The following TMEM51 variants were observed in gnomAD, a reference collection of about 807,000 sequenced individuals.
TMEM51 encodes the protein transmembrane protein 51.
In TMEM51, 8 loss-of-function variants were observed where a neutral mutation model predicts 13.6. The observed-to-expected ratio is 0.59, with a 90% CI of 0.35 to 1.07. The LOEUF (loss-of-function observed/expected upper bound fraction) is 1.07, where lower values mean the gene tolerates loss of function less well. Among genes scored for constraint, TMEM51 ranks in the 50% least tolerant of loss-of-function variants. TMEM51 has a pLI of 0.02. For missense variants in TMEM51, 279 were observed against 330.7 expected (o/e 0.84, Z 1.21); for synonymous variants, 147 against 144.4 (o/e 1.02, Z -0.13).
chr1:15,157,570 T>C (rs1334534235), intron 1 of TMEM51, among the ~76,000 whole-genome samples: 1 of 152,164 alleles, frequency 6.6e-6, no homozygotes, highest in Non-Finnish European at 1.5e-5. Context: ...CAAGATCCCC[T>C]TTCTGTCTGC....
chr1:15,165,873 G>A (rs1316589556), intron 1 of TMEM51, among the ~76,000 whole-genome samples: 1 of 152,032 alleles, frequency 6.6e-6, no homozygotes, highest in Non-Finnish European at 1.5e-5. Context: ...GGGAGGTGGA[G>A]GTTGCGGTGA....
At chr1:15,180,883 T>A (rs1643595400) in intron 1 of TMEM51, among the ~76,000 whole-genome samples, 1 of 152,192 alleles carries the variant, frequency 6.6e-6, no homozygotes, top group Admixed American at 6.5e-5. Flanking sequence ...GTCATATAGC[T>A]AGAAAATGGA....
rs1268307139 is a variant in TMEM51 at position 15,214,932 on chromosome 1, G to A, written c.-156G>A. On this transcript the variant is annotated 5_prime_UTR_variant, in exon 3 of 4. Transcript: ENST00000376008. The stretch of plus-strand genomic sequence containing the variant: ...CAGCCATCCGCACGGGAGGCCTCGC[G>A]ATTGCTCGGAACCATCCCGCAGGAG... The A allele has an allele frequency of 1.2e-5, 9 of 726,392 alleles. No homozygotes were observed. Among genetic ancestry groups the A allele is most frequent in the African/African-American group, 7.1e-5 (4 of 56,438 alleles). 45.0% of individuals were successfully genotyped at this position (726,392 alleles called of 1,614,324 possible).
In TMEM51 at chr1:15,219,540, CCT is replaced by C. The variant is rs1557862732; in HGVS notation, c.560_561del (p.Pro187ArgfsTer6). 3 of 1,613,998 alleles carry C rather than the reference CCT, an allele frequency of 1.9e-6. No homozygotes were observed. Among genetic ancestry groups the C allele is most frequent in the Non-Finnish European group, 1.7e-6 (2 of 1,180,042 alleles). On this transcript the variant is annotated frameshift_variant, in exon 4 of 4. Transcript: ENST00000376008. LOFTEE classifies it high-confidence loss of function. ...CGTGGAGGCCAGCCCTGGGAACCCC[CCT>C]GACAGGCAGAACTCTAAGTTGGCCA... ...ADVEASPGNP[P>X]DRQNSKLAKR... is the part of the protein sequence containing the mutation.
intron 3 of TMEM51, among the ~76,000 whole-genome samples, chr1:15,216,391 T>C (rs755900342): frequency 5.9e-5 from 9 of 152,244 alleles, no homozygotes; most frequent in Non-Finnish European, 1.2e-4. Flanking sequence ...GAATATTCCA[T>C]AGATGTTCAA....
At chr1:15,191,191 G>T (rs1341787701) in intron 1 of TMEM51, among the ~76,000 whole-genome samples, 1 of 152,230 alleles carries the variant, frequency 6.6e-6, no homozygotes, top group South Asian at 2.1e-4. Context: ...GTGGAAGAAG[G>T]TTCCAGCAGC....
intron 2 of TMEM51, among the ~76,000 whole-genome samples, chr1:15,211,935 G>T (rs569196613): frequency 1.3e-5 from 2 of 148,626 alleles, no homozygotes; most frequent in African/African-American, 2.5e-5. Context: ...ATTCATCTGT[G>T]TATGGAGAAT....
intron 1 of TMEM51, among the ~76,000 whole-genome samples, chr1:15,182,681 T>C (rs1415655321): frequency 9.2e-5 from 14 of 152,214 alleles, no homozygotes; most frequent in Admixed American, 8.5e-4. Flanking sequence ...AGGAAAGTAC[T>C]GGATCCCCAA....
intron 3 of TMEM51, 152 bp downstream of exon 3, chr1:15,215,583 T>C: frequency 1.3e-6 from 1 of 752,524 alleles, no homozygotes; most frequent in Non-Finnish European, 2.1e-6. Context: ...AAACGGTTTA[T>C]CATTTTACAA....
intron 1 of TMEM51, among the ~76,000 whole-genome samples, chr1:15,190,901 C>A (rs1423333180): frequency 2.0e-5 from 3 of 152,126 alleles, no homozygotes; most frequent in Admixed American, 6.6e-5. Context: ...AATTCTCCTG[C>A]CTCAGCCTCC....
In TMEM51 at chr1:15,219,712, A is replaced by G; in HGVS notation, c.731A>G (p.Glu244Gly). The change falls in exon 4 of 4, where the codon GAG (glutamate) becomes GGG (glycine). Residue 244 changes from glutamate (E) to glycine (G), a missense_variant. Transcript: ENST00000376008. Reference sequence around the variant, plus strand: ...CCACCGCAGTATGATGAAGTCCAGGAGAAGGCCCCCGACACCCGGCCGCCC... The same window carrying G: ...CCACCGCAGTATGATGAAGTCCAGGGGAAGGCCCCCGACACCCGGCCGCCC... Reference protein sequence around the residue: ...TPPPQYDEVQEKAPDTRPPD With the variant: ...TPPPQYDEVQGKAPDTRPPD 6.2e-7 allele frequency: 1 copy of G among 1,613,602 alleles called. No individual in the cohort carries two copies. The highest frequency in any genetic ancestry group is 8.5e-7 in the Non-Finnish European group (1 of 1,179,942).
At chr1:15,175,572 C>T (rs894437073) in intron 1 of TMEM51, among the ~76,000 whole-genome samples, 9 of 152,168 alleles carry the variant, frequency 5.9e-5, no homozygotes, top group Non-Finnish European at 8.8e-5. Flanking sequence ...AAGACATACC[C>T]GAGACTGGGT....
At chr1:15,202,788 A>C (rs1644181141) in intron 1 of TMEM51, among the ~76,000 whole-genome samples, 1 of 152,214 alleles carries the variant, frequency 6.6e-6, no homozygotes, top group South Asian at 2.1e-4. Context: ...AATTTTGATT[A>C]GGACCCGGAT....
At chr1:15,157,411 T>G (rs1642625962) in intron 1 of TMEM51, among the ~76,000 whole-genome samples, 1 of 152,178 alleles carries the variant, frequency 6.6e-6, no homozygotes, top group African/African-American at 2.4e-5. Context: ...AAATCCACTC[T>G]GCTTATTTGA....
intron 1 of TMEM51, among the ~76,000 whole-genome samples, chr1:15,196,646 A>G (rs754867599): frequency 1.3e-5 from 2 of 152,182 alleles, no homozygotes; most frequent in Middle Eastern, 3.2e-3. Flanking sequence ...GAACTATTGT[A>G]CCCAGCCCTT....
intron 1 of TMEM51, among the ~76,000 whole-genome samples, chr1:15,208,784 G>T (rs566969286): frequency 6.6e-6 from 1 of 152,072 alleles, no homozygotes. Flanking sequence ...TGGTGAGCAG[G>T]AGATATGAGC....
At chr1:15,173,888 G>A (rs1218337504) in intron 1 of TMEM51, among the ~76,000 whole-genome samples, 1 of 152,196 alleles carries the variant, frequency 6.6e-6, no homozygotes, top group African/African-American at 2.4e-5. Context: ...TGCATGAGTA[G>A]AACAAGCTAG....
At position 15,207,199 on chromosome 1, in the gene TMEM51, T is replaced by G. The variant is rs374894388; in HGVS notation, c.-266-3291T>G. Among the ~76,000 whole-genome samples, 206 of 152,246 alleles carry G rather than the reference T, an allele frequency of 1.4e-3. 5 individuals are homozygous for G. In the South Asian group the frequency reaches 0.041, roughly 30 times the overall value. ...GAATGCTCAAGGAGCCCCTCTGTCA[T>G]GGGGGTTGGTAGCACCGCCAGCCGC... On this transcript the variant is annotated intron_variant, in intron 1 of 3. Coordinates refer to ENST00000376008, the MANE Select transcript of TMEM51 (RefSeq NM_001136218.2). This position sits in a 1 kb window ranked among gnomAD's most constrained non-coding sequence, Gnocchi z 4.6.
chr1:15,171,367 G>A, intron 1 of TMEM51: 2 of 1,259,328 alleles, frequency 1.6e-6, no homozygotes, highest in Non-Finnish European at 2.1e-6. Flanking sequence ...ATTCATAGGG[G>A]GGGCGGCAGA....
Sources: allele counts gnomAD v4.1 joint callset (sites outside exome capture counted in the v4.1 genomes callset), GRCh38; gene constraint gnomAD v4.1.1; non-coding constraint Gnocchi (gnomAD v3.1); transcripts MANE v1.5; gene names NCBI Gene and HGNC (gene_info 2026-07-23, HGNC 2026-07-21).